GBF1: variants seen among roughly 807,000 people sequenced by gnomAD.
GBF1 encodes golgi brefeldin A resistant guanine nucleotide exchange factor 1, also known as Golgi-specific brefeldin A-resistance guanine nucleotide exchange factor 1.
Under a neutral mutation model 210.5 loss-of-function variants are expected in GBF1, and 114 were observed. The ratio of observed to expected loss-of-function variants is 0.54; its 90% CI spans 0.47 to 0.63. GBF1 has a LOEUF of 0.63. GBF1 is among the 30% of genes least tolerant of loss of function. The pLI is 0.00. For synonymous variants in GBF1, 850 were observed against 889.2 expected (o/e 0.96, Z 0.78); for missense variants, 1,851 against 2,357.7 (o/e 0.79, Z 4.45).
chr10:102,284,520 G>A (rs2075780980), intron 3 of GBF1, among the ~76,000 whole-genome samples: 1 of 152,094 alleles, frequency 6.6e-6, no homozygotes, highest in African/African-American at 2.4e-5. Flanking sequence ...TATAATATGT[G>A]TCCTTTTATG....
At chr10:102,297,349 T>A (rs531692582) in intron 3 of GBF1, among the ~76,000 whole-genome samples, 4 of 152,262 alleles carry the variant, frequency 2.6e-5, no homozygotes, top group Non-Finnish European at 5.9e-5. Context: ...CAGTTATCAC[T>A]AGACTTTGCT....
chr10:102,381,691 A>G (rs1349181670), intron 39 of GBF1, among the ~76,000 whole-genome samples: 2 of 151,840 alleles, frequency 1.3e-5, no homozygotes, highest in Non-Finnish European at 2.9e-5. Flanking sequence ...TGGGCGTGGT[A>G]GTGCACACCT....
chr10:102,329,625 G>A (rs903066941), intron 3 of GBF1, among the ~76,000 whole-genome samples: 15 of 151,026 alleles, frequency 9.9e-5, no homozygotes, highest in African/African-American at 3.2e-4. Flanking sequence ...CACCACACCC[G>A]GCTAATTTTT....
intron 7 of GBF1, 49 bp from the exon 8 acceptor site, chr10:102,353,551 A>T (rs915272442): frequency 7.9e-7 from 1 of 1,262,790 alleles, no homozygotes; most frequent in Non-Finnish European, 1.2e-6. Context: ...ATGGAGGGAG[A>T]CATTTGTCAT....
intron 3 of GBF1, among the ~76,000 whole-genome samples, chr10:102,342,436 TCTC>T (rs1251906858): frequency 6.6e-6 from 1 of 151,806 alleles, no homozygotes; most frequent in East Asian, 1.9e-4. Context: ...CACACGTTCT[TCTC>T]TAGGTTTTTT....
chr10:102,362,126 G>A (rs1161975504), intron 14 of GBF1, among the ~76,000 whole-genome samples: 5 of 140,640 alleles, frequency 3.6e-5, no homozygotes, highest in Non-Finnish European at 3.0e-5. Flanking sequence ...GCGCGATCTC[G>A]GCTCACTGCA....
intron 1 of GBF1, among the ~76,000 whole-genome samples, chr10:102,252,980 C>T (rs1052000909): frequency 2.6e-5 from 4 of 152,218 alleles, no homozygotes; most frequent in East Asian, 1.9e-4. Context: ...CTGCAACCTC[C>T]ACCTCCTGGG....
At chr10:102,291,311 G>C (rs1487702634) in intron 3 of GBF1, among the ~76,000 whole-genome samples, 1 of 152,124 alleles carries the variant, frequency 6.6e-6, no homozygotes, top group African/African-American at 2.4e-5. Flanking sequence ...ATTTGCATTT[G>C]AAGTGTAGAA....
chr10:102,309,616 A>C (rs1280630733), intron 3 of GBF1, among the ~76,000 whole-genome samples: 3 of 152,110 alleles, frequency 2.0e-5, no homozygotes, highest in Non-Finnish European at 4.4e-5. Context: ...ATAGCTGATG[A>C]GGAGATTCTT....
At chr10:102,291,156 A>T (rs2076400329) in intron 3 of GBF1, among the ~76,000 whole-genome samples, 3 of 151,600 alleles carry the variant, frequency 2.0e-5, no homozygotes, top group African/African-American at 7.3e-5. Flanking sequence ...TTCTATTACT[A>T]TGAGCTATTC....
chr10:102,311,417 T>C (rs2133983377), intron 3 of GBF1, among the ~76,000 whole-genome samples: 1 of 152,276 alleles, frequency 6.6e-6, no homozygotes, highest in East Asian at 1.9e-4. Context: ...AATGAAGTCA[T>C]GGTACAGGAA....
At chr10:102,249,383 C>A (rs1053705951) in intron 1 of GBF1, among the ~76,000 whole-genome samples, 1 of 152,188 alleles carries the variant, frequency 6.6e-6, no homozygotes, top group Non-Finnish European at 1.5e-5. Context: ...AGTAGCTTAC[C>A]TTGTAAACGG....
intron 1 of GBF1, among the ~76,000 whole-genome samples, chr10:102,248,388 A>G (rs2071094421): frequency 6.6e-6 from 1 of 152,116 alleles, no homozygotes; most frequent in Non-Finnish European, 1.5e-5. Flanking sequence ...AAGTGATCAT[A>G]GAAGTGATTA....
At chr10:102,367,584 C>T in intron 21 of GBF1, 24 bp downstream of exon 21, 1 of 1,257,172 alleles carries the variant, frequency 8.0e-7, no homozygotes. Context: ...GAGAATAGTG[C>T]AGTATCTCTG....
chr10:102,249,567 T>G (rs1221267061), intron 1 of GBF1, among the ~76,000 whole-genome samples: 1 of 152,212 alleles, frequency 6.6e-6, no homozygotes, highest in East Asian at 1.9e-4. Flanking sequence ...GTAAATTTCT[T>G]GAGCTCAGTA....
intron 39 of GBF1, among the ~76,000 whole-genome samples, chr10:102,381,825 A>G (rs3781294): frequency 0.033 from 3,556 of 106,962 alleles, 4 homozygotes; most frequent in East Asian, 0.08. Context: ...CCTGTCGCGA[A>G]AAAAAAAAAA....
chr10:102,315,362 T>C (rs1044309105), intron 3 of GBF1, among the ~76,000 whole-genome samples: 8 of 152,156 alleles, frequency 5.3e-5, no homozygotes, highest in Non-Finnish European at 8.8e-5. Flanking sequence ...TAGATTCTCA[T>C]AGGAGTGTGA....
chr10:102,325,576 A>C (rs2056830331), intron 3 of GBF1, among the ~76,000 whole-genome samples: 1 of 151,748 alleles, frequency 6.6e-6, no homozygotes, highest in East Asian at 1.9e-4. Flanking sequence ...AGAAAGAAAA[A>C]ATGCTGAGAA....
At chr10:102,238,202 T>C in the GBF1 span, among the ~76,000 whole-genome samples, 36 of 152,334 alleles carry the variant, frequency 2.4e-4, no homozygotes, top group Admixed American at 9.1e-4. Context: ...GCAGTGGCCA[T>C]GGACACCCTA....
Sources: gnomAD v4.1 joint callset for allele counts (sites outside exome capture counted in the v4.1 genomes callset) on GRCh38, gnomAD v4.1.1 for gene constraint, MANE v1.5 for transcripts, NCBI Gene and HGNC (gene_info 2026-07-23, HGNC 2026-07-21) for gene names.